FARSB: variants seen among roughly 807,000 people sequenced by gnomAD.
FARSB encodes phenylalanyl-tRNA synthetase subunit beta.
A neutral mutation model predicts 69.6 loss-of-function variants in FARSB; 40 were observed. That is an observed-to-expected ratio of 0.57 (90% CI 0.45 to 0.75). The LOEUF is 0.75. Ranked by LOEUF, FARSB falls within the 30% of genes least tolerant of loss-of-function variation. The pLI is 0.00. For missense variants in FARSB, 632 were observed against 722.9 expected, an observed-to-expected ratio of 0.87 and a Z score of 1.44; for synonymous variants, 235 against 247.2, an observed-to-expected ratio of 0.95 and a Z score of 0.46.
intron 7 of FARSB, among the ~76,000 whole-genome samples, chr2:222,632,406 G>T (rs1691455339): frequency 6.6e-6 from 1 of 152,106 alleles, no homozygotes; most frequent in Non-Finnish European, 1.5e-5. Flanking sequence ...CTAGGATTTG[G>T]GTCTAGAACT....
chr2:222,643,773 A>G (rs1308630055), intron 2 of FARSB, among the ~76,000 whole-genome samples: 1 of 152,218 alleles, frequency 6.6e-6, no homozygotes, highest in Non-Finnish European at 1.5e-5. Context: ...GGCAGCCAAG[A>G]GGGAGATGAC....
chr2:222,592,467 G>C (rs1690299766), intron 16 of FARSB, among the ~76,000 whole-genome samples: 1 of 152,116 alleles, frequency 6.6e-6, no homozygotes, highest in South Asian at 2.1e-4. Flanking sequence ...CCCCATTTTG[G>C]CCAATGCATA....
At position 222,631,615 on chromosome 2, in the gene FARSB, C is replaced by T; in HGVS notation, c.775G>A (p.Asp259Asn). The change falls in exon 8 of 17, where the codon GAC becomes AAC. Residue 259 changes from aspartate (D) to asparagine (N), a missense_variant. Transcript: ENST00000281828. ...RNIFIECTGT[D>N]FTKAKIVLDI... ...AAAGTTTTACTTACCTTAGTAAAGT[C>T]AGTTCCCGTGCATTCAATAAAAATA... is the stretch of plus-strand genomic sequence containing the variant. The T allele has an allele frequency of 6.5e-7, 1 of 1,544,028 alleles. No homozygotes were observed. The highest frequency in any genetic ancestry group is 1.1e-5 in the South Asian group (1 of 89,180).
At chr2:222,624,191 TTC>T in intron 12 of FARSB, 79 bp downstream of exon 12, 1 of 917,376 alleles carries the variant, frequency 1.1e-6, no homozygotes, top group Non-Finnish European at 1.8e-6. Context: ...GATTCCTACG[TTC>T]TGTTTTCTCG....
At chr2:222,640,826 A>AT in intron 4 of FARSB, 36 bp downstream of exon 4, 1 of 1,172,854 alleles carries the variant, frequency 8.5e-7, no homozygotes. Context: ...ACAAAAGAAA[A>AT]TTTTTAAAAG....
chr2:222,630,113 G>C lies in FARSB; in HGVS notation c.848C>G (p.Thr283Arg). ...CAATAAAGGTGCTGGATGAACTTAC[G>C]TAAATTGATTCTCACAATATTCACT... Reference protein sequence around the residue: ...MFSEYCENQFTVEAAEVVFPN... With the variant: ...MFSEYCENQFRVEAAEVVFPN... The change falls in exon 9 of 17, where the codon ACG becomes AGG. Residue 283 changes from threonine (T) to arginine (R), a missense_variant and splice_region_variant. By Grantham distance (71) the Thr-to-Arg change is moderately conservative. Coordinates refer to ENST00000281828, the MANE Select transcript of FARSB (RefSeq NM_005687.5). The C allele has an allele frequency of 6.5e-7, 1 of 1,540,058 alleles. No individual in the cohort carries two copies. Among genetic ancestry groups the C allele is most frequent in the Admixed American group, 2.0e-5 (1 of 49,696 alleles).
intron 5 of FARSB, among the ~76,000 whole-genome samples, 153 bp from the exon 6 acceptor site, chr2:222,634,694 T>C (rs1254051569): frequency 1.3e-5 from 2 of 152,212 alleles, no homozygotes; most frequent in Admixed American, 1.3e-4. Context: ...TGAAACAGCA[T>C]ATTGCTACTA....
intron 14 of FARSB, among the ~76,000 whole-genome samples, chr2:222,617,852 C>T (rs993121151): frequency 1.8e-4 from 27 of 152,208 alleles, no homozygotes; most frequent in African/African-American, 5.3e-4. Context: ...CACTGCACTT[C>T]AGCCTGGGCA....
chr2:222,590,513 TA>T lies in FARSB; in HGVS notation c.1618+9414del, dbSNP rs566615484. Among the ~76,000 whole-genome samples the T allele has an allele frequency of 6.3e-3, 506 of 80,140 alleles. 1 individual carries two copies. The highest frequency in any genetic ancestry group is 0.018 in the Middle Eastern group (2 of 110). 52.6% of individuals were successfully genotyped at this position (80,140 alleles called of 152,430 possible). ...TATGTACCCTAGAACTTAACAGTAT[TA>T]AAAAAAAAAAAAAGATATCCTACCC... On this transcript the variant is annotated intron_variant, in intron 16 of 16. Coordinates refer to ENST00000281828, the MANE Select transcript of FARSB (RefSeq NM_005687.5).
Position 222,624,270 on chromosome 2 carries a change from A to T in FARSB, c.1170+2T>A. On this transcript the variant is annotated splice_donor_variant, in intron 12 of 16. Transcript: ENST00000281828. LOFTEE classifies it high-confidence loss of function. ...AGTGTTTATTTAAGGGTGCAATCTT[A>T]CTTGATTAGCTATGGTGTAAGTTTT... is the stretch of plus-strand genomic sequence containing the variant. 1 of 1,580,518 alleles carries T rather than the reference A, an allele frequency of 6.3e-7. No individual in the cohort carries two copies. The highest frequency in any genetic ancestry group is 8.7e-7 in the Non-Finnish European group (1 of 1,150,766).
intron 14 of FARSB, among the ~76,000 whole-genome samples, chr2:222,614,222 C>G (rs1369769719): frequency 6.6e-6 from 1 of 152,020 alleles, no homozygotes; most frequent in Non-Finnish European, 1.5e-5. Flanking sequence ...TATATCTAAG[C>G]CTTGGTTATT....
At chr2:222,580,858 C>T (rs1689949640) in intron 16 of FARSB, among the ~76,000 whole-genome samples, 1 of 151,966 alleles carries the variant, frequency 6.6e-6, no homozygotes, top group Non-Finnish European at 1.5e-5. Context: ...TATAGTGACT[C>T]GGAAGGGGGA....
At chr2:222,605,104 C>A (rs1435819594) in intron 15 of FARSB, among the ~76,000 whole-genome samples, 1 of 148,872 alleles carries the variant, frequency 6.7e-6, no homozygotes, top group Non-Finnish European at 1.5e-5. Flanking sequence ...CCTCACTAAA[C>A]CAACCATATT....
At chr2:222,651,067 C>T (rs780296346) in intron 1 of FARSB, among the ~76,000 whole-genome samples, 1 of 151,998 alleles carries the variant, frequency 6.6e-6, no homozygotes, top group African/African-American at 2.4e-5. Flanking sequence ...GGCTTTGAGG[C>T]GTGTAAATGA....
intron 10 of FARSB, among the ~76,000 whole-genome samples, chr2:222,625,067 C>G (rs1393976774): frequency 1.3e-5 from 2 of 152,182 alleles, no homozygotes; most frequent in Admixed American, 1.3e-4. Flanking sequence ...CACAGTAAAA[C>G]ACTGTTGTGC....
At chr2:222,618,410 A>T (rs1018828222) in intron 14 of FARSB, among the ~76,000 whole-genome samples, 4 of 152,230 alleles carry the variant, frequency 2.6e-5, no homozygotes, top group African/African-American at 9.6e-5. Flanking sequence ...TTATAATAGC[A>T]TTAACCTTCT....
intron 2 of FARSB, among the ~76,000 whole-genome samples, chr2:222,645,661 A>G (rs1409186551): frequency 6.6e-6 from 1 of 151,816 alleles, no homozygotes; most frequent in Non-Finnish European, 1.5e-5. Flanking sequence ...TGGCAATTAC[A>G]AAAGTAATAG....
intron 2 of FARSB, chr2:222,644,664 T>C (rs1173954192): frequency 9.6e-6 from 3 of 310,992 alleles, no homozygotes; most frequent in African/African-American, 6.6e-5. Flanking sequence ...TGTTTCAAGC[T>C]CCCCAGTGGA....
chr2:222,595,215 T>C (rs1241069775), intron 16 of FARSB, among the ~76,000 whole-genome samples: 1 of 152,210 alleles, frequency 6.6e-6, no homozygotes, highest in Non-Finnish European at 1.5e-5. Flanking sequence ...TTTATTATAG[T>C]CCAGAATGTT....
Sources: gnomAD v4.1 joint callset for allele counts (sites outside exome capture counted in the v4.1 genomes callset) on GRCh38, gnomAD v4.1.1 for gene constraint, MANE v1.5 for transcripts, NCBI Gene and HGNC (gene_info 2026-07-23, HGNC 2026-07-21) for gene names.